Variants in PRTG observed in about 807,000 individuals in gnomAD.
The protein encoded by PRTG is protogenin.
A neutral mutation model predicts 122.5 loss-of-function variants in PRTG; 67 were observed. That is an observed-to-expected ratio of 0.55 (90% CI 0.45 to 0.67). PRTG has a LOEUF of 0.67. Ranked by LOEUF, PRTG falls within the 30% of genes least tolerant of loss-of-function variation. The pLI, the probability that PRTG is intolerant of heterozygous loss-of-function variation, is 0.00. For missense variants in PRTG, 1,435 were observed against 1,415.4 expected (o/e 1.01, Z -0.22); for synonymous variants, 554 against 501.1 (o/e 1.11, Z -1.41).
At chr15:55,733,684 G>C (rs1455339234) in intron 2 of PRTG, among the ~76,000 whole-genome samples, 1 of 151,930 alleles carries the variant, frequency 6.6e-6, no homozygotes, top group Non-Finnish European at 1.5e-5. Context: ...AAAATTAGCT[G>C]TGCATGGCGG....
chr15:55,732,097 T>C (rs372138147), intron 2 of PRTG, among the ~76,000 whole-genome samples: 56 of 152,344 alleles, frequency 3.7e-4, no homozygotes, highest in African/African-American at 1.3e-3. Flanking sequence ...ACTGTAAAAA[T>C]ATGGTATTAT....
At position 55,645,859 on chromosome 15, in the gene PRTG, CAG is replaced by C. The variant is rs1276343654; in HGVS notation, c.2042-4653_2042-4652del. 4.6e-5 allele frequency among the ~76,000 whole-genome samples: 7 copies of C among 152,000 alleles called. No individual in the cohort carries two copies. The East Asian group carries it at 5.8e-4, about 13-fold the overall frequency. On this transcript the variant is annotated intron_variant, in intron 11 of 19. Coordinates refer to ENST00000389286, the MANE Select transcript of PRTG (RefSeq NM_173814.6). ...CTATGTGGTTTTTGGGGGAAAACAG[CAG>C]AGTTAGAAAGAACAGCCACAAACAG...
intron 2 of PRTG, among the ~76,000 whole-genome samples, chr15:55,706,423 G>A (rs1355299200): frequency 6.6e-6 from 1 of 151,832 alleles, no homozygotes; most frequent in Non-Finnish European, 1.5e-5. Context: ...GCAGAGAACT[G>A]GAACTCCATG....
intron 2 of PRTG, among the ~76,000 whole-genome samples, chr15:55,725,550 C>T (rs1413710721): frequency 1.3e-4 from 19 of 151,342 alleles, no homozygotes; most frequent in Non-Finnish European, 1.8e-4. Context: ...GAGCCGTGAT[C>T]GTGCTACTGC....
intron 2 of PRTG, among the ~76,000 whole-genome samples, chr15:55,719,785 G>A (rs115407792): frequency 1.9e-3 from 282 of 152,230 alleles, no homozygotes; most frequent in African/African-American, 6.6e-3. Context: ...TTGGCCCGGC[G>A]CACTGACTCA....
chr15:55,620,693 G>GAA lies in PRTG; in HGVS notation c.3166_3167dup (p.Gln1057SerfsTer30). The GAA allele has an allele frequency of 6.3e-7, 1 of 1,597,586 alleles. No individual in the cohort carries two copies. The highest frequency in any genetic ancestry group is 1.8e-5 in the Admixed American group (1 of 55,402). On this transcript the variant is annotated frameshift_variant, in exon 19 of 20. Coordinates refer to ENST00000389286, the MANE Select transcript of PRTG (RefSeq NM_173814.6). LOFTEE classifies it high-confidence loss of function. ...CAACTTGTATCTTCTTTGAGTCTTGGAAAAAAAACCACTTTTTCTTAGAGT... is the reference window on the plus strand; with the variant it reads ...CAACTTGTATCTTCTTTGAGTCTTGGAAAAAAAAAACCACTTTTTCTTAGAGT...
chr15:55,721,882 A>T (rs1262607009), intron 2 of PRTG, among the ~76,000 whole-genome samples: 3 of 152,200 alleles, frequency 2.0e-5, no homozygotes, highest in Admixed American at 1.3e-4. Flanking sequence ...TCACAAGAAT[A>T]TGATGGGGGA....
intron 11 of PRTG, among the ~76,000 whole-genome samples, chr15:55,667,841 T>C (rs2059447430): frequency 6.6e-6 from 1 of 152,146 alleles, no homozygotes; most frequent in African/African-American, 2.4e-5. Context: ...ATCCTGGCAC[T>C]TTGGGAGGCT....
At chr15:55,675,463 A>G in intron 9 of PRTG, 56 bp downstream of exon 9, 1 of 1,260,392 alleles carries the variant, frequency 7.9e-7, no homozygotes, top group Non-Finnish European at 1.1e-6. Context: ...ATTCATTGAA[A>G]TTGACAAAAC....
At position 55,680,112 on chromosome 15, in the gene PRTG, C is replaced by G. The variant is rs755889789; in HGVS notation, c.915G>C (p.Arg305=). ...AGTTGCGTGTGCCAGGGGTAGTGGC[C>G]CGACAAACATATACTCCAGCATGTT... ...RLQHAGVYVC[R]ATTPGTRNFT... Residue 305 remains arginine (R), a synonymous_variant, in exon 6 of 20, where the codon CGG becomes CGC. Coordinates refer to ENST00000389286, the MANE Select transcript of PRTG (RefSeq NM_173814.6). 3 of 1,613,416 alleles carry G rather than the reference C, an allele frequency of 1.9e-6. No individual in the cohort carries two copies. The South Asian group carries it at 3.3e-5, about 18-fold the overall frequency.
Position 55,639,784 on chromosome 15 carries a change from GAT to G in PRTG, c.2180_2181del (p.His727ProfsTer6). 1 of 1,614,194 alleles carries G rather than the reference GAT, an allele frequency of 6.2e-7. No homozygotes were observed. The highest frequency in any genetic ancestry group is 8.5e-7 in the Non-Finnish European group (1 of 1,180,026). ...GATGAGGTGTTAGCCTTCGCATAGAGATGGTGGGGTGGTGGTGGAGGAGGGAC... is the reference window on the plus strand; with the variant it reads ...GATGAGGTGTTAGCCTTCGCATAGAGGGTGGGGTGGTGGTGGAGGAGGGAC... Reference protein sequence around the residue: ...RMVPPPPPPHHLYAKANTSSS... With the variant: ...RMVPPPPPPHXLYAKANTSSS... On this transcript the variant is annotated frameshift_variant, in exon 13 of 20. Transcript: ENST00000389286. LOFTEE classifies it high-confidence loss of function.
chr15:55,720,359 AAAAAC>A (rs1210018261), intron 2 of PRTG, among the ~76,000 whole-genome samples: 2 of 152,206 alleles, frequency 1.3e-5, no homozygotes, highest in African/African-American at 4.8e-5. Flanking sequence ...TCTACCTCCA[AAAAAC>A]AAAACAAAAC....
chr15:55,672,383 C>T, intron 11 of PRTG, 62 bp downstream of exon 11: 1 of 1,364,500 alleles, frequency 7.3e-7, no homozygotes, highest in Non-Finnish European at 1.0e-6. Context: ...GATCCAATAA[C>T]TTTTTTCGCA....
chr15:55,683,136 T>G (rs1242242215), intron 3 of PRTG, among the ~76,000 whole-genome samples: 1 of 152,094 alleles, frequency 6.6e-6, no homozygotes, highest in African/African-American at 2.4e-5. Flanking sequence ...AAATTCCTGA[T>G]TTTTTACCTA....
intron 16 of PRTG, among the ~76,000 whole-genome samples, chr15:55,627,586 T>C (rs2059202845): frequency 6.6e-6 from 1 of 151,310 alleles, no homozygotes; most frequent in East Asian, 1.9e-4. Flanking sequence ...GTGATCCGCT[T>C]GCCTCGGCCT....
Position 55,673,652 on chromosome 15 carries a change from C to T in PRTG, c.1571G>A (p.Ser524Asn), listed in dbSNP as rs1795983991. The change falls in exon 10 of 20, where the codon AGT becomes AAT. Residue 524 changes from serine to asparagine, a missense_variant. Ser to Asn is a conservative substitution (Grantham distance 46). Coordinates refer to ENST00000389286, the MANE Select transcript of PRTG (RefSeq NM_173814.6). ...ATCAGTGGGACTTCGACTTGTCAAA[C>T]TAATTTCAGGAGGTCTCAGGGGAAC... Reference protein sequence around the residue: ...EDVPLRPPEISLTSRSPTDIL... With the variant: ...EDVPLRPPEINLTSRSPTDIL... The T allele has an allele frequency of 1.9e-6, 3 of 1,614,006 alleles. No homozygotes were observed. The highest frequency in any genetic ancestry group is 2.5e-6 in the Non-Finnish European group (3 of 1,179,900).
intron 2 of PRTG, among the ~76,000 whole-genome samples, chr15:55,700,278 T>C (rs1427937640): frequency 6.6e-6 from 1 of 152,094 alleles, no homozygotes; most frequent in Non-Finnish European, 1.5e-5. Context: ...CTTTAAATAA[T>C]TAATCTTGAC....
intron 9 of PRTG, among the ~76,000 whole-genome samples, chr15:55,674,673 T>C (rs2059492189): frequency 6.6e-6 from 1 of 152,166 alleles, no homozygotes; most frequent in African/African-American, 2.4e-5. Context: ...GATAAAGATA[T>C]AATAAGAGAT....
At chr15:55,674,940 A>G (rs2141801177) in intron 9 of PRTG, among the ~76,000 whole-genome samples, 1 of 152,254 alleles carries the variant, frequency 6.6e-6, no homozygotes, top group South Asian at 2.1e-4. Context: ...CTATCTTAAT[A>G]TGGATGAAAT....
Sources: gnomAD v4.1 joint callset for allele counts (sites outside exome capture counted in the v4.1 genomes callset) on GRCh38, gnomAD v4.1.1 for gene constraint, MANE v1.5 for transcripts, NCBI Gene and HGNC (gene_info 2026-07-23, HGNC 2026-07-21) for gene names.